Variants in ADGRL2 observed in about 807,000 individuals in gnomAD.
The protein encoded by ADGRL2 is calcium-independent alpha-latrotoxin receptor 2.
ADGRL2 carries 44 observed loss-of-function variants against 157.4 expected under a neutral mutation model. The ratio of observed to expected loss-of-function variants is 0.28; its 90% confidence interval spans 0.22 to 0.36. The LOEUF is 0.36. Among genes scored for constraint, ADGRL2 ranks in the 10% least tolerant of loss-of-function variants. The pLI is 1.00. For synonymous variants in ADGRL2, 585 were observed against 624.7 expected, an observed-to-expected ratio of 0.94 and a Z score of 0.95; for missense variants, 1,510 against 1,768.9, an observed-to-expected ratio of 0.85 and a Z score of 2.63.
intron 2 of ADGRL2, 43 bp downstream of exon 2, chr1:81,837,100 T>G (rs930797003): frequency 1.8e-6 from 2 of 1,136,024 alleles, no homozygotes; most frequent in Non-Finnish European, 2.6e-6. Context: ...CCAGGAGAAC[T>G]TGAACTATAC....
chr1:81,641,691 G>A lies in ADGRL2; in HGVS notation c.-143+60711G>A, dbSNP rs539718894. On this transcript the variant is annotated intron_variant, in intron 3 of 24. Transcript: ENST00000370721. ...GATGCAGAGAAAGTAGTGCTCAGAGGGAAATTTATAGCATTGTGTGCATAT... is the reference window on the plus strand; with the variant it reads ...GATGCAGAGAAAGTAGTGCTCAGAGAGAAATTTATAGCATTGTGTGCATAT... Among the ~76,000 whole-genome samples, 349 of 152,096 alleles carry A rather than the reference G, an allele frequency of 2.3e-3. 1 individual carries two copies. Among genetic ancestry groups the A allele is most frequent in the African/African-American group, 8.1e-3 (338 of 41,494 alleles).
chr1:81,945,428 A>G (rs747853497), intron 6 of ADGRL2, among the ~76,000 whole-genome samples: 59 of 152,266 alleles, frequency 3.9e-4, no homozygotes, highest in Middle Eastern at 6.8e-3. Flanking sequence ...AAGAAAGAAA[A>G]AAAATGTTTT....
intron 2 of ADGRL2, among the ~76,000 whole-genome samples, chr1:81,903,808 T>G (rs1292996883): frequency 1.6e-5 from 1 of 63,334 alleles, no homozygotes; most frequent in African/African-American, 7.2e-5. Flanking sequence ...ATACACATTT[T>G]ATATACACAC....
chr1:81,782,674 A>G (rs1448889821), intron 2 of ADGRL2, among the ~76,000 whole-genome samples: 1 of 152,182 alleles, frequency 6.6e-6, no homozygotes, highest in Non-Finnish European at 1.5e-5. Context: ...CACTTCCCCA[A>G]GACATTCCAG....
chr1:81,695,883 C>T (rs1183407734), upstream of ADGRL2, among the ~76,000 whole-genome samples: 2 of 151,642 alleles, frequency 1.3e-5, no homozygotes, highest in African/African-American at 4.8e-5. Context: ...CTGTATTCCT[C>T]TGTTGTGTTC....
At chr1:81,684,157 G>A (rs560325154) in intron 3 of ADGRL2, among the ~76,000 whole-genome samples, 49 of 152,284 alleles carry the variant, frequency 3.2e-4, no homozygotes, top group Admixed American at 5.2e-4. Context: ...CCAGTAGTGG[G>A]ATTGCTGAAT....
At chr1:81,682,961 T>C (rs2083151648) in intron 3 of ADGRL2, among the ~76,000 whole-genome samples, 1 of 152,050 alleles carries the variant, frequency 6.6e-6, no homozygotes, top group African/African-American at 2.4e-5. Context: ...GTGAAACCCC[T>C]GTCTCTACTA....
At position 81,739,513 on chromosome 1, in the gene ADGRL2, T is replaced by C. The variant is rs572177058; in HGVS notation, c.-142-22298T>C. On this transcript the variant is annotated intron_variant, in intron 1 of 20. Transcript: ENST00000359929. ...GCAGGCAGAGAGAGCCAAGGTGAGCTCTTATTAACTGTTTATGTTAAGACA... is the reference window on the plus strand; with the variant it reads ...GCAGGCAGAGAGAGCCAAGGTGAGCCCTTATTAACTGTTTATGTTAAGACA... 2.6e-5 allele frequency among the ~76,000 whole-genome samples: 4 copies of C among 152,312 alleles called. No individual in the cohort carries two copies. The Middle Eastern group carries it at 0.014, about 518-fold the overall frequency.
At chr1:81,926,967 A>AG (rs575542132) in intron 3 of ADGRL2, among the ~76,000 whole-genome samples, 42 of 152,192 alleles carry the variant, frequency 2.8e-4, no homozygotes, top group Non-Finnish European at 4.9e-4. Flanking sequence ...TTTTTAGAAA[A>AG]TCAGCATTGC....
chr1:81,846,803 G>T (rs1292036406), intron 2 of ADGRL2, among the ~76,000 whole-genome samples: 1 of 151,952 alleles, frequency 6.6e-6, no homozygotes, highest in Non-Finnish European at 1.5e-5. Flanking sequence ...ACAAGTCAGA[G>T]ACTTCCTTAT....
At chr1:81,570,177 G>A (rs918702885) in intron 2 of ADGRL2, among the ~76,000 whole-genome samples, 11 of 152,160 alleles carry the variant, frequency 7.2e-5, no homozygotes, top group African/African-American at 1.9e-4. Flanking sequence ...CACTACACAA[G>A]GAAGTGATTA....
At chr1:81,775,558 C>T (rs2086546960) in intron 2 of ADGRL2, among the ~76,000 whole-genome samples, 1 of 150,522 alleles carries the variant, frequency 6.6e-6, no homozygotes, top group African/African-American at 2.5e-5. Context: ...GTGGAGCATT[C>T]AGCTTGGGTA....
At chr1:81,981,177 G>A in intron 18 of ADGRL2, 1 of 374,558 alleles carries the variant, frequency 2.7e-6, no homozygotes, top group Non-Finnish European at 5.6e-6. Flanking sequence ...GACATGGAAT[G>A]CACTGACTTT....
intron 1 of ADGRL2, among the ~76,000 whole-genome samples, chr1:81,438,724 C>T (rs565929601): frequency 6.6e-6 from 1 of 152,240 alleles, no homozygotes; most frequent in South Asian, 2.1e-4. Flanking sequence ...TTCCTTTTGG[C>T]TCAATTAGTA....
At chr1:81,736,625 C>T (rs1002575293) in intron 1 of ADGRL2, among the ~76,000 whole-genome samples, 1 of 152,052 alleles carries the variant, frequency 6.6e-6, no homozygotes. Flanking sequence ...CCCTTAGATC[C>T]AGATCTCTAT....
chr1:81,957,465 G>A (rs897020317), intron 11 of ADGRL2, among the ~76,000 whole-genome samples: 4 of 152,268 alleles, frequency 2.6e-5, no homozygotes, highest in East Asian at 3.9e-4. Context: ...TTGGGAGGCC[G>A]AGGCAGGCAC....
At chr1:81,453,479 T>G (rs2077739500) in intron 2 of ADGRL2, among the ~76,000 whole-genome samples, 1 of 152,076 alleles carries the variant, frequency 6.6e-6, no homozygotes, top group South Asian at 2.1e-4. Flanking sequence ...ACTTAAGAGT[T>G]CTAGTGGTGG....
At chr1:81,550,036 A>C (rs1235286637) in intron 2 of ADGRL2, among the ~76,000 whole-genome samples, 1 of 152,202 alleles carries the variant, frequency 6.6e-6, no homozygotes, top group Non-Finnish European at 1.5e-5. Context: ...CATTGGTCTG[A>C]ATTAGGAAAT....
At position 81,605,840 on chromosome 1, in the gene ADGRL2, A is replaced by G. The variant is rs75362969; in HGVS notation, c.-143+24860A>G. ...CATGCAAATTACCAAAATGTTTTCC[A>G]TTTGAGACCTTATACATATTTGAAT... On this transcript the variant is annotated intron_variant, in intron 3 of 24. Coordinates refer to the ADGRL2 transcript ENST00000370721. Among the ~76,000 whole-genome samples the G allele has an allele frequency of 8.5e-3, 1,294 of 152,300 alleles. 30 individuals carry two copies. The highest frequency in any genetic ancestry group is 0.029 in the African/African-American group (1,225 of 41,560).
Sources: gnomAD v4.1 joint callset for allele counts (sites outside exome capture counted in the v4.1 genomes callset) on GRCh38, gnomAD v4.1.1 for gene constraint, MANE v1.5 for transcripts, NCBI Gene and HGNC (gene_info 2026-07-23, HGNC 2026-07-21) for gene names.